Variants in CARD14 observed in about 807,000 individuals in gnomAD.
The protein encoded by CARD14 is caspase recruitment domain-containing protein 14.
In CARD14, 107 loss-of-function variants were observed where a neutral mutation model predicts 111.5. That is an observed-to-expected ratio of 0.96 (90% CI 0.82 to 1.13). CARD14 has a LOEUF of 1.13. Ranked by LOEUF, CARD14 falls within the 50% of genes most tolerant of loss-of-function variation. The pLI is 0.00. For missense variants in CARD14, 1,322 were observed against 1,362.3 expected, an observed-to-expected ratio of 0.97 and a Z score of 0.47; for synonymous variants, 617 against 579.6, an observed-to-expected ratio of 1.06 and a Z score of -0.93.
Position 80,182,816 on chromosome 17 carries a change from G to A in CARD14, c.349+26G>A, listed in dbSNP as rs758339735. On this transcript the variant is annotated intron_variant, in intron 6 of 23. Coordinates refer to ENST00000648509, the MANE Select transcript of CARD14 (RefSeq NM_001366385.1). The surrounding 1 kb of genome is among the most constrained non-coding windows in gnomAD (Gnocchi z 4.7). ...GTGAGAGCTCCGACTTTGACGGTTT[G>A]GCAGGCACTTCTAGGAACCTCAGGC... The A allele has an allele frequency of 2.5e-6, 4 of 1,613,564 alleles. No homozygotes were observed. Among genetic ancestry groups the A allele is most frequent in the East Asian group, 2.2e-5 (1 of 44,862 alleles).
Position 80,198,467 on chromosome 17 carries a change from G to A in CARD14, c.1727G>A (p.Gly576Glu), listed in dbSNP as rs577193931. 2 of 1,612,854 alleles carry A rather than the reference G, an allele frequency of 1.2e-6. No homozygotes were observed. The highest frequency in any genetic ancestry group is 1.3e-5 in the African/African-American group (1 of 74,934). Residue 576 changes from glycine (G) to glutamate (E), a missense_variant, in exon 16 of 24, where the codon GGG becomes GAG. Gly to Glu is a moderately conservative substitution (Grantham distance 98). Transcript: ENST00000648509. This position sits in a 1 kb window ranked among gnomAD's most constrained non-coding sequence, Gnocchi z 7.5. ...CAGGTCACCATGCTGGCGTTCCAGGGGGATGCATTGCTGGAGCAGATCAGC... is the reference window on the plus strand; with the variant it reads ...CAGGTCACCATGCTGGCGTTCCAGGAGGATGCATTGCTGGAGCAGATCAGC... The part of the protein sequence containing the change: ...LSQVTMLAFQ[G>E]DALLEQISVI...
Position 80,202,278 on chromosome 17 carries a change from G to A in CARD14, c.2077G>A (p.Gly693Arg). The A allele has an allele frequency of 6.2e-7, 1 of 1,613,936 alleles. No homozygotes were observed. Among genetic ancestry groups the A allele is most frequent in the South Asian group, 1.1e-5 (1 of 91,086 alleles). ...CCTGGCCATGGAGGGCAGGGCCAAA[G>A]GGGAGCTGCAGGTGCATTGCAACGA... ...VNLAMEGRAK[G>R]ELQVHCNEVL... Residue 693 changes from glycine to arginine, a missense_variant, in exon 18 of 24, where the codon GGG (glycine) becomes AGG (arginine). Transcript: ENST00000648509.
At chr17:80,207,175 G>C in intron 23 of CARD14, 90 bp downstream of exon 23, 1 of 868,550 alleles carries the variant, frequency 1.2e-6, no homozygotes, top group Non-Finnish European at 1.8e-6. Context: ...AGTGTGCTCT[G>C]CGGTTTGCAG....
At position 80,183,917 on chromosome 17, in the gene CARD14, C is replaced by T; in HGVS notation, c.354C>T (p.Leu118=). Residue 118 remains leucine (L), a synonymous_variant, in exon 7 of 24, where the codon CTC becomes CTT. Coordinates refer to ENST00000648509, the MANE Select transcript of CARD14 (RefSeq NM_001366385.1). The part of the protein sequence containing the change: ...PDVDFSNFSG[L]METSKLTECL... ...CACCTGCCCATCTGCCCACAGGTCT[C>T]ATGGAGACATCCAAGCTGACCGAGT... The T allele has an allele frequency of 6.7e-7, 1 of 1,498,808 alleles. No homozygotes were observed. Among genetic ancestry groups the T allele is most frequent in the East Asian group, 2.3e-5 (1 of 42,922 alleles). 92.8% of individuals were successfully genotyped at this position (1,498,808 alleles called of 1,614,324 possible). A position where few individuals can be genotyped will look rare whatever the true frequency, so the allele number is the denominator to read the frequency against.
chr17:80,184,174 A>G lies in CARD14; in HGVS notation c.611A>G (p.His204Arg), dbSNP rs1259672678. The G allele has an allele frequency of 3.2e-6, 5 of 1,562,876 alleles. No homozygotes were observed. The highest frequency in any genetic ancestry group is 2.4e-5 in the East Asian group (1 of 42,086). The change falls in exon 7 of 24, where the codon CAC (histidine) becomes CGC (arginine). Residue 204 changes from histidine to arginine, a missense_variant. Transcript: ENST00000648509. Reference protein sequence around the residue: ...LKDEMLSLSLHYSNALQEKEL... With the variant: ...LKDEMLSLSLRYSNALQEKEL... ...GACGAGATGCTCAGCCTCTCGCTGC[A>G]CTATAGCAATGCGCTGCAGGAGAAG...
At position 80,189,931 on chromosome 17, in the gene CARD14, A is replaced by G; in HGVS notation, c.963+59A>G. 6.5e-7 allele frequency: 1 copy of G among 1,549,376 alleles called. No homozygotes were observed. The highest frequency in any genetic ancestry group is 2.5e-5 in the East Asian group (1 of 40,638). ...CCTGGGGCTTGTCTCAGGGGTGCGG[A>G]CAGGTCTGTGGGGAAGCCAGATTCC... On this transcript the variant is annotated intron_variant, in intron 9 of 23. Transcript: ENST00000648509. The surrounding 1 kb of genome is among the most constrained non-coding windows in gnomAD (Gnocchi z 4.7).
At chr17:80,207,147 CA>C in intron 23 of CARD14, 62 bp downstream of exon 23, 5 of 1,209,836 alleles carry the variant, frequency 4.1e-6, no homozygotes, top group Non-Finnish European at 6.1e-6. Context: ...CCCCAAAGCC[CA>C]CGGCAGGTGC....
Position 80,189,633 on chromosome 17 carries a change from C to A in CARD14, c.844-120C>A. Reference sequence around the variant, plus strand: ...TTCTCTCCTGCCCGGTGTAGAGTGGCAAGACTGCATCCGTCCACACACCTG... The same window carrying A: ...TTCTCTCCTGCCCGGTGTAGAGTGGAAAGACTGCATCCGTCCACACACCTG... On this transcript the variant is annotated intron_variant, in intron 8 of 23. Coordinates refer to ENST00000648509, the MANE Select transcript of CARD14 (RefSeq NM_001366385.1). This position sits in a 1 kb window ranked among gnomAD's most constrained non-coding sequence, Gnocchi z 4.7. 7.9e-7 allele frequency: 1 copy of A among 1,263,916 alleles called. No homozygotes were observed. Among genetic ancestry groups the A allele is most frequent in the Non-Finnish European group, 1.0e-6 (1 of 959,134 alleles). The allele number at this position is 1,263,916 out of a possible 1,614,324, so 78.3% of individuals were successfully genotyped here. A position where few individuals can be genotyped will look rare whatever the true frequency, so the allele number is the denominator to read the frequency against.
chr17:80,171,057 T>C (rs1241380763), intron 1 of CARD14, among the ~76,000 whole-genome samples: 5 of 151,324 alleles, frequency 3.3e-5, no homozygotes, highest in Non-Finnish European at 7.4e-5. Context: ...GCTAGGCTGG[T>C]CTCAAACTCC....
In CARD14 at chr17:80,181,645, G is replaced by A; in HGVS notation, c.207G>A (p.Arg69=). ...HSPRLTNSAM[R]AGHLLDLLKT... ...CCCGGCTCACCAACAGCGCCATGCG[G>A]GCCGGTGAGCGCAGCTCCCTCTTCC... The change falls in exon 5 of 24, where the codon CGG becomes CGA. Residue 69 remains arginine, a synonymous_variant. Coordinates refer to ENST00000648509, the MANE Select transcript of CARD14 (RefSeq NM_001366385.1). The A allele has an allele frequency of 6.5e-7, 1 of 1,546,382 alleles. No homozygotes were observed. The highest frequency in any genetic ancestry group is 1.2e-5 in the South Asian group (1 of 83,924).
In CARD14 at chr17:80,188,625, G is replaced by A; in HGVS notation, c.843+81G>A. On this transcript the variant is annotated intron_variant, in intron 8 of 23. Coordinates refer to ENST00000648509, the MANE Select transcript of CARD14 (RefSeq NM_001366385.1). The surrounding 1 kb of genome is among the most constrained non-coding windows in gnomAD (Gnocchi z 4.5). ...CAGGCTGTGGGGTTTCTGACAGGTGGTTTAGTTAAGGTGAGGCTAAGAACA... is the reference window on the plus strand; with the variant it reads ...CAGGCTGTGGGGTTTCTGACAGGTGATTTAGTTAAGGTGAGGCTAAGAACA... 1.5e-6 allele frequency: 2 copies of A among 1,324,678 alleles called. No homozygotes were observed. The highest frequency in any genetic ancestry group is 2.0e-6 in the Non-Finnish European group (2 of 1,022,692). The allele number at this position is 1,324,678 out of a possible 1,614,324, so 82.1% of individuals were successfully genotyped here.
At chr17:80,205,343 C>G (rs2041239200) in intron 21 of CARD14, 138 bp downstream of exon 21, 3 of 1,155,202 alleles carry the variant, frequency 2.6e-6, no homozygotes. Flanking sequence ...CTGCTGTGTC[C>G]AGATAGTTCA....
rs1410254267 is a variant in CARD14, at chr17:80,184,074, C to CA, written c.512dup (p.His171GlnfsTer6). On this transcript the variant is annotated frameshift_variant, in exon 7 of 24. Transcript: ENST00000648509. LOFTEE classifies it high-confidence loss of function. ...GGCCGAGACCCGTGCCGAGGGCCTG[C>CA]ACCAGCTGGAGGCTGACCACAGCCG... 3 of 1,585,394 alleles carry CA rather than the reference C, an allele frequency of 1.9e-6. No individual in the cohort carries two copies. Among genetic ancestry groups the CA allele is most frequent in the African/African-American group, 2.7e-5 (2 of 74,520 alleles).
rs757308573 is a variant in CARD14 at position 80,192,611 on chromosome 17, T to C, written c.1348T>C (p.Ser450Pro). The C allele has an allele frequency of 6.2e-7, 1 of 1,611,686 alleles. No individual in the cohort carries two copies. Among genetic ancestry groups the C allele is most frequent in the South Asian group, 1.1e-5 (1 of 90,960 alleles). The stretch of plus-strand genomic sequence containing the variant: ...CGACAGCGACTGCAGCCTCGTCAGC[T>C]CCACAGAGGTACGGCCGCTCCTCCC... ...RDDSDCSLVSSTESQLLSDLS... is the reference protein window; with the variant it reads ...RDDSDCSLVSPTESQLLSDLS... Residue 450 changes from serine (S) to proline (P), a missense_variant, in exon 12 of 24, where the codon TCC becomes CCC. Coordinates refer to ENST00000648509, the MANE Select transcript of CARD14 (RefSeq NM_001366385.1).
chr17:80,183,854 A>C, intron 6 of CARD14, 59 bp from the exon 7 acceptor site: 2 of 1,380,666 alleles, frequency 1.4e-6, no homozygotes, highest in Non-Finnish European at 1.9e-6. Flanking sequence ...TCACCTACCC[A>C]CCTGCCCACC....
At chr17:80,175,940 T>A (rs2040013277) in intron 2 of CARD14, among the ~76,000 whole-genome samples, 1 of 125,894 alleles carries the variant, frequency 7.9e-6, no homozygotes, top group Non-Finnish European at 1.6e-5. Context: ...GATTGCCAGC[T>A]GCTCTCGGAT....
intron 2 of CARD14, among the ~76,000 whole-genome samples, chr17:80,175,898 G>A (rs1314712621): frequency 6.7e-6 from 1 of 149,084 alleles, no homozygotes; most frequent in African/African-American, 2.5e-5. Context: ...CTTCCTGGCA[G>A]GGATGAGAGA....
Position 80,209,242 on chromosome 17 carries a change from G to T in CARD14, c.*897G>T. On this transcript the variant is annotated 3_prime_UTR_variant, in exon 24 of 24. Coordinates refer to ENST00000648509, the MANE Select transcript of CARD14 (RefSeq NM_001366385.1). ...GACAGCAGTGTCCAAGAATCAGGAA[G>T]CTGTTCTAGAATTCAGGTTGGTATC... The T allele has an allele frequency of 1.2e-6, 1 of 868,370 alleles. No homozygotes were observed. Among genetic ancestry groups the T allele is most frequent in the Non-Finnish European group, 1.4e-6 (1 of 722,978 alleles). The allele number at this position is 868,370 out of a possible 1,614,324, so 53.8% of individuals were successfully genotyped here. A position where few individuals can be genotyped will look rare whatever the true frequency, so the allele number is the denominator to read the frequency against.
rs905117147 is a variant in CARD14 at position 80,202,007 on chromosome 17, G to A, written c.1978+137G>A. The A allele has an allele frequency of 1.5e-5, 19 of 1,302,324 alleles. No homozygotes were observed. The Admixed American group carries it at 2.3e-4, about 16-fold the overall frequency. 80.7% of individuals were successfully genotyped at this position (1,302,324 alleles called of 1,614,324 possible). ...GAGGATCAGCCAGGCTGTGCCCCAGGTCCCCAGGAGGCCCCCAAGCCAGCT... is the reference window on the plus strand; with the variant it reads ...GAGGATCAGCCAGGCTGTGCCCCAGATCCCCAGGAGGCCCCCAAGCCAGCT... On this transcript the variant is annotated intron_variant, in intron 17 of 23. Coordinates refer to ENST00000648509, the MANE Select transcript of CARD14 (RefSeq NM_001366385.1).
Sources: gnomAD v4.1 joint callset for allele counts (sites outside exome capture counted in the v4.1 genomes callset) on GRCh38, gnomAD v4.1.1 for gene constraint, Gnocchi (gnomAD v3.1) non-coding constraint, MANE v1.5 for transcripts, NCBI Gene and HGNC (gene_info 2026-07-23, HGNC 2026-07-21) for gene names.